The following RORA variants were observed in gnomAD, a reference collection of about 807,000 sequenced individuals.
RORA encodes the protein RAR related orphan receptor A, also known as nuclear receptor ROR-alpha.
RORA carries 7 observed loss-of-function variants against 69.5 expected under a neutral mutation model. The observed-to-expected ratio is 0.10, with a 90% CI of 0.06 to 0.19. The LOEUF is 0.19. Ranked by LOEUF, RORA falls within the 10% of genes least tolerant of loss-of-function variation. The pLI, the probability that RORA is intolerant of heterozygous loss-of-function variation, is 1.00. For synonymous variants in RORA, 261 were observed against 240.8 expected, an observed-to-expected ratio of 1.08 and a Z score of -0.78; for missense variants, 457 against 663.0, an observed-to-expected ratio of 0.69 and a Z score of 3.41.
chr15:60,666,983 G>A (rs1002386665), intron 2 of RORA, among the ~76,000 whole-genome samples: 1 of 152,190 alleles, frequency 6.6e-6, no homozygotes, highest in African/African-American at 2.4e-5. Context: ...TCAAATTCTA[G>A]AGAAAGCCAC....
intron 1 of RORA, among the ~76,000 whole-genome samples, chr15:61,097,930 G>T (rs2078815115): frequency 6.6e-6 from 1 of 152,194 alleles, no homozygotes; most frequent in South Asian, 2.1e-4. Flanking sequence ...CTTCTCAGTA[G>T]TCAGAGTCAA....
chr15:61,125,706 T>C (rs1272552898), intron 1 of RORA, among the ~76,000 whole-genome samples: 3 of 152,234 alleles, frequency 2.0e-5, no homozygotes, highest in African/African-American at 7.2e-5. Flanking sequence ...TCTTGTTCTG[T>C]CCTTCCTCTT....
At chr15:61,024,194 G>T (rs1428137159) in intron 1 of RORA, among the ~76,000 whole-genome samples, 7 of 151,744 alleles carry the variant, frequency 4.6e-5, no homozygotes, top group African/African-American at 1.7e-4. Flanking sequence ...TCAAACTGGG[G>T]TGGAAATCAG....
At chr15:60,595,572 A>C (rs1387534468) in intron 2 of RORA, among the ~76,000 whole-genome samples, 3 of 152,144 alleles carry the variant, frequency 2.0e-5, no homozygotes, top group Admixed American at 2.0e-4. Context: ...AATGCAATAA[A>C]TATGTAGGAA....
At chr15:60,532,715 C>T (rs1049174197) in intron 2 of RORA, among the ~76,000 whole-genome samples, 1 of 152,108 alleles carries the variant, frequency 6.6e-6, no homozygotes, top group Non-Finnish European at 1.5e-5. Context: ...ATCCTTAGAT[C>T]AACTATTAAA....
At chr15:60,605,653 T>C (rs1366544398) in intron 2 of RORA, among the ~76,000 whole-genome samples, 3 of 152,232 alleles carry the variant, frequency 2.0e-5, no homozygotes, top group Admixed American at 1.3e-4. Flanking sequence ...GATGACTCAC[T>C]GACAAAGCAA....
chr15:60,733,894 G>A (rs948610505), intron 1 of RORA, among the ~76,000 whole-genome samples: 1 of 147,706 alleles, frequency 6.8e-6, no homozygotes, highest in African/African-American at 2.5e-5. Flanking sequence ...CTGCACACAG[G>A]TGAGCGGTTA....
chr15:60,757,117 CTATG>C (rs2071813762), intron 1 of RORA, among the ~76,000 whole-genome samples: 1 of 152,116 alleles, frequency 6.6e-6, no homozygotes, highest in African/African-American at 2.4e-5. Flanking sequence ...ATATATATTA[CTATG>C]AAATGAGTGC....
intron 1 of RORA, among the ~76,000 whole-genome samples, chr15:60,980,970 G>T (rs778256415): frequency 4.6e-5 from 7 of 151,710 alleles, no homozygotes; most frequent in Non-Finnish European, 1.0e-4. Flanking sequence ...ATTGAGTTCA[G>T]ATTTTTTTTA....
At chr15:61,224,751 T>C (rs1369807117) in intron 1 of RORA, among the ~76,000 whole-genome samples, 2 of 152,206 alleles carry the variant, frequency 1.3e-5, no homozygotes, top group Non-Finnish European at 2.9e-5. Flanking sequence ...AGAACATTTT[T>C]ATCCGGAGGC....
intron 1 of RORA, among the ~76,000 whole-genome samples, chr15:60,882,298 G>C (rs1431228037): frequency 6.6e-6 from 1 of 152,142 alleles, no homozygotes; most frequent in Non-Finnish European, 1.5e-5. Context: ...TTGTGATTAC[G>C]ACAACTAGGA....
At chr15:60,631,881 T>G (rs935705024) in intron 2 of RORA, among the ~76,000 whole-genome samples, 1 of 152,222 alleles carries the variant, frequency 6.6e-6, no homozygotes, top group Non-Finnish European at 1.5e-5. Context: ...AGGGCCTGCT[T>G]GTAAACACTG....
chr15:60,915,764 G>A (rs1891855478), intron 1 of RORA, among the ~76,000 whole-genome samples: 1 of 152,150 alleles, frequency 6.6e-6, no homozygotes, highest in South Asian at 2.1e-4. Flanking sequence ...CAGAATTCTA[G>A]CTCGCTCGAA....
chr15:61,005,125 G>T (rs192594002), intron 1 of RORA, among the ~76,000 whole-genome samples: 2 of 152,256 alleles, frequency 1.3e-5, no homozygotes, highest in East Asian at 3.9e-4. Flanking sequence ...CAATCTGAGG[G>T]TTCAACAATA....
At chr15:61,118,189 G>C (rs1400970805) in intron 1 of RORA, among the ~76,000 whole-genome samples, 2 of 152,180 alleles carry the variant, frequency 1.3e-5, no homozygotes, top group African/African-American at 4.8e-5. Context: ...TATTGGAAAG[G>C]AAAGAGGGTA....
At chr15:60,904,188 T>C (rs1891467754) in intron 1 of RORA, among the ~76,000 whole-genome samples, 1 of 152,224 alleles carries the variant, frequency 6.6e-6, no homozygotes, top group South Asian at 2.1e-4. Context: ...TTAAGATATA[T>C]CCTGGGTTTT....
chr15:61,229,048 C>G lies in RORA; in HGVS notation c.166+5G>C. 1 of 1,513,008 alleles carries G rather than the reference C, an allele frequency of 6.6e-7. No individual in the cohort carries two copies. The highest frequency in any genetic ancestry group is 8.9e-7 in the Non-Finnish European group (1 of 1,129,742). 93.7% of individuals were successfully genotyped at this position (1,513,008 alleles called of 1,614,324 possible). A position where few individuals can be genotyped will look rare whatever the true frequency, so the allele number is the denominator to read the frequency against. Reference sequence around the variant, plus strand: ...CCCCTCCCCAGCCCCTCTCCAGCCTCCTACCTCTGCTGGTGCTGGAATAGC... The same window carrying G: ...CCCCTCCCCAGCCCCTCTCCAGCCTGCTACCTCTGCTGGTGCTGGAATAGC... On this transcript the variant is annotated splice_donor_5th_base_variant and intron_variant, in intron 1 of 10. Transcript: ENST00000335670.
At chr15:60,649,395 C>T (rs2070106925) in intron 2 of RORA, among the ~76,000 whole-genome samples, 3 of 152,118 alleles carry the variant, frequency 2.0e-5, no homozygotes, top group Admixed American at 2.0e-4. Flanking sequence ...CTGCAACAAA[C>T]AGAAACCTAG....
At chr15:61,198,299 T>C (rs576187036) in intron 1 of RORA, among the ~76,000 whole-genome samples, 1 of 152,220 alleles carries the variant, frequency 6.6e-6, no homozygotes, top group East Asian at 1.9e-4. Flanking sequence ...AAATAAACCA[T>C]TGTAACATCT....
Sources: gnomAD v4.1 joint callset for allele counts (sites outside exome capture counted in the v4.1 genomes callset) on GRCh38, gnomAD v4.1.1 for gene constraint, MANE v1.5 for transcripts, NCBI Gene and HGNC (gene_info 2026-07-23, HGNC 2026-07-21) for gene names.